DRD3: variants seen among roughly 807,000 people sequenced by gnomAD.
The protein encoded by DRD3 is D(3) dopamine receptor.
In DRD3, 19 loss-of-function variants were observed where a neutral mutation model predicts 36.3. The ratio of observed to expected loss-of-function variants is 0.52; its 90% CI spans 0.36 to 0.77. The LOEUF is 0.77. DRD3 is among the 30% of genes least tolerant of loss of function. The pLI is 0.00. For synonymous variants in DRD3, 195 were observed against 203.7 expected (o/e 0.96, Z 0.36); for missense variants, 465 against 505.3 (o/e 0.92, Z 0.77).
intron 1 of DRD3, among the ~76,000 whole-genome samples, chr3:114,187,715 G>T (rs914033497): frequency 2.6e-5 from 4 of 152,170 alleles, no homozygotes; most frequent in African/African-American, 7.2e-5. Context: ...AGCTTTATTG[G>T]AATGGCTTCA....
Position 114,151,182 on chromosome 3 carries a change from C to T in DRD3, c.384-3625G>A, listed in dbSNP as rs560941845. 5.9e-5 allele frequency among the ~76,000 whole-genome samples: 9 copies of T among 152,228 alleles called. No homozygotes were observed. In the South Asian group the frequency reaches 6.2e-4, roughly 11 times the overall value. ...CTCTCCTCAGAGCTTTAGACTCTGCCGGGGGCTTCTAGTACAATATGTCTA... is the reference window on the plus strand; with the variant it reads ...CTCTCCTCAGAGCTTTAGACTCTGCTGGGGGCTTCTAGTACAATATGTCTA... On this transcript the variant is annotated intron_variant, in intron 3 of 6. Coordinates refer to ENST00000383673, the MANE Select transcript of DRD3 (RefSeq NM_000796.6).
intron 5 of DRD3, among the ~76,000 whole-genome samples, chr3:114,131,841 G>A (rs1033371626): frequency 6.6e-6 from 1 of 152,218 alleles, no homozygotes; most frequent in African/African-American, 2.4e-5. Context: ...TTAGAGAAAT[G>A]CAATCAAAAT....
At chr3:114,186,843 C>CG (rs1323629349) in intron 1 of DRD3, among the ~76,000 whole-genome samples, 1 of 152,224 alleles carries the variant, frequency 6.6e-6, no homozygotes, top group Non-Finnish European at 1.5e-5. Flanking sequence ...CTGGTGCTTC[C>CG]TACTCCACCA....
chr3:114,164,753 T>G (rs1414888961), intron 2 of DRD3, among the ~76,000 whole-genome samples: 1 of 152,204 alleles, frequency 6.6e-6, no homozygotes, highest in African/African-American at 2.4e-5. Flanking sequence ...TTCTTTTTAT[T>G]TTTCTGTTTT....
intron 4 of DRD3, among the ~76,000 whole-genome samples, chr3:114,144,681 T>C (rs150465530): frequency 2.0e-5 from 3 of 152,272 alleles, no homozygotes; most frequent in African/African-American, 7.2e-5. Flanking sequence ...TTCCAATAAA[T>C]AATAACAACC....
At chr3:114,190,419 T>C (rs1360456376) in intron 1 of DRD3, among the ~76,000 whole-genome samples, 7 of 4,116 alleles carry the variant, frequency 1.7e-3, no homozygotes, top group Non-Finnish European at 3.4e-3. Context: ...ATAATATATA[T>C]ATATATATAT....
At chr3:114,141,125 A>C (rs1217970328) in intron 4 of DRD3, among the ~76,000 whole-genome samples, 1 of 152,182 alleles carries the variant, frequency 6.6e-6, no homozygotes, top group Non-Finnish European at 1.5e-5. Context: ...TCCATCTCCC[A>C]GGTTCAAGCG....
chr3:114,151,644 G>A (rs2077618965), intron 3 of DRD3, among the ~76,000 whole-genome samples: 1 of 152,148 alleles, frequency 6.6e-6, no homozygotes, highest in Non-Finnish European at 1.5e-5. Flanking sequence ...ACTCCCTGGA[G>A]GCTCCATTAA....
intron 6 of DRD3, among the ~76,000 whole-genome samples, chr3:114,129,509 T>C (rs1299601542): frequency 6.6e-6 from 1 of 152,226 alleles, no homozygotes; most frequent in Non-Finnish European, 1.5e-5. Context: ...ACTAGTCTTT[T>C]TCTTTTTCAA....
At chr3:114,186,289 G>C (rs185576768) in intron 1 of DRD3, among the ~76,000 whole-genome samples, 1 of 152,136 alleles carries the variant, frequency 6.6e-6, no homozygotes, top group Non-Finnish European at 1.5e-5. Flanking sequence ...CACCATGCCC[G>C]GTTAATTTTG....
chr3:114,164,292 T>C (rs2077762648), intron 2 of DRD3, among the ~76,000 whole-genome samples: 1 of 138,218 alleles, frequency 7.2e-6, no homozygotes, highest in Non-Finnish European at 1.5e-5. Flanking sequence ...TTTAGAGACA[T>C]GATTCTTTCT....
upstream of DRD3, among the ~76,000 whole-genome samples, chr3:114,183,606 G>A (rs140341743): frequency 5.3e-4 from 80 of 151,980 alleles, 1 homozygote; most frequent in African/African-American, 1.8e-3. Context: ...TTGATCGTCT[G>A]TTATGAGGCA....
At chr3:114,147,664 A>T in intron 3 of DRD3, 107 bp from the exon 4 acceptor site, 1 of 1,339,990 alleles carries the variant, frequency 7.5e-7, no homozygotes, top group Non-Finnish European at 1.0e-6. Context: ...TCACTCTGTC[A>T]CCCAGGCAGA....
At position 114,154,038 on chromosome 3, in the gene DRD3, A is replaced by G. The variant is rs149106459; in HGVS notation, c.383+5717T>C. ...AGGTGCCCCATCCTCACCTTCACCA[A>G]TGAAGGTGTCACTTATTGTAATAGA... On this transcript the variant is annotated intron_variant, in intron 3 of 6. Coordinates refer to ENST00000383673, the MANE Select transcript of DRD3 (RefSeq NM_000796.6). 4.6e-3 allele frequency among the ~76,000 whole-genome samples: 699 copies of G among 152,306 alleles called. 2 individuals are homozygous for G. Among genetic ancestry groups the G allele is most frequent in the Middle Eastern group, 0.02 (6 of 294 alleles).
chr3:114,195,124 A>G (rs2078030430), intron 1 of DRD3, among the ~76,000 whole-genome samples: 1 of 152,202 alleles, frequency 6.6e-6, no homozygotes, highest in Non-Finnish European at 1.5e-5. Context: ...GGAGGAATAG[A>G]ATAAAGGTGG....
chr3:114,132,897 T>C (rs918741613), intron 5 of DRD3, among the ~76,000 whole-genome samples: 3 of 152,148 alleles, frequency 2.0e-5, no homozygotes, highest in Non-Finnish European at 4.4e-5. Context: ...ATTGGGGAAA[T>C]TTGAACATCA....
chr3:114,128,410 A>G lies in DRD3; in HGVS notation c.*306T>C, dbSNP rs1237110483. ...GATCTGTTCATTTTCCTTCAGTGTA[A>G]TGAATCATGCCTCTGATGACAATTT... On this transcript the variant is annotated 3_prime_UTR_variant, in exon 7 of 7. Coordinates refer to ENST00000383673, the MANE Select transcript of DRD3 (RefSeq NM_000796.6). 1.3e-5 allele frequency among the ~76,000 whole-genome samples: 2 copies of G among 152,234 alleles called. No homozygotes were observed. The highest frequency in any genetic ancestry group is 2.9e-5 in the Non-Finnish European group (2 of 68,036).
chr3:114,183,109 C>CAAT (rs2077956966), upstream of DRD3, among the ~76,000 whole-genome samples: 1 of 152,196 alleles, frequency 6.6e-6, no homozygotes. Flanking sequence ...ACATTCCCAT[C>CAAT]AATAGTGCAT....
intron 1 of DRD3, among the ~76,000 whole-genome samples, chr3:114,198,883 G>A (rs2078050581): frequency 6.6e-6 from 1 of 152,006 alleles, no homozygotes; most frequent in South Asian, 2.1e-4. Flanking sequence ...GACTATACAG[G>A]TGCATACCAC....
Sources: allele counts gnomAD v4.1 joint callset (sites outside exome capture counted in the v4.1 genomes callset), GRCh38; gene constraint gnomAD v4.1.1; transcripts MANE v1.5; gene names NCBI Gene and HGNC (gene_info 2026-07-23, HGNC 2026-07-21).